NRXN3: variants seen among roughly 807,000 people sequenced by gnomAD.
NRXN3 encodes neurexin 3.
Under a neutral mutation model 137.6 loss-of-function variants are expected in NRXN3, and 32 were observed. The ratio of observed to expected loss-of-function variants is 0.23; its 90% CI spans 0.18 to 0.31. NRXN3 has a LOEUF of 0.31. Ranked by LOEUF, NRXN3 falls within the 10% of genes least tolerant of loss-of-function variation. The pLI, the probability that NRXN3 is intolerant of heterozygous loss-of-function variation, is 1.00. For synonymous variants in NRXN3, 798 were observed against 784.5 expected (o/e 1.02, Z -0.29); for missense variants, 1,574 against 2,062.5 (o/e 0.76, Z 4.59).
chr14:79,552,352 A>G (rs925651691), intron 16 of NRXN3, among the ~76,000 whole-genome samples: 1 of 152,188 alleles, frequency 6.6e-6, no homozygotes, highest in African/African-American at 2.4e-5. Flanking sequence ...TTGAAAGAGT[A>G]TAGGGTCCTC....
chr14:79,029,607 C>G lies in NRXN3; in HGVS notation c.3262+41466C>G, dbSNP rs187509601. Among the ~76,000 whole-genome samples the G allele has an allele frequency of 2.6e-5, 4 of 152,158 alleles. No individual in the cohort carries two copies. In the South Asian group the frequency reaches 8.3e-4, roughly 32 times the overall value. ...AATGACATTTTTTGACTGGTTAATT[C>G]TTTGAGGGGATTGTACTATGCATTA... On this transcript the variant is annotated intron_variant, in intron 15 of 20. Transcript: ENST00000335750.
At chr14:79,082,032 T>G (rs2047115588) in intron 15 of NRXN3, among the ~76,000 whole-genome samples, 1 of 151,372 alleles carries the variant, frequency 6.6e-6, no homozygotes, top group Non-Finnish European at 1.5e-5. Flanking sequence ...ACATATATGT[T>G]TCATACATAT....
rs544806018 is a variant in NRXN3 at position 78,539,005 on chromosome 14, A to C, written c.758-106115A>C. 2.0e-5 allele frequency among the ~76,000 whole-genome samples: 3 copies of C among 152,294 alleles called. No individual in the cohort carries two copies. In the South Asian group the frequency reaches 6.2e-4, roughly 32 times the overall value. ...GATAAGCTTTTTGATGTGCTGCTGG[A>C]TTCAGTTCGAAAGTATTTTATTGAG... On this transcript the variant is annotated intron_variant, in intron 4 of 20. Transcript: ENST00000335750.
At chr14:79,344,105 C>A (rs1038118562) in intron 15 of NRXN3, among the ~76,000 whole-genome samples, 1 of 152,272 alleles carries the variant, frequency 6.6e-6, no homozygotes, top group East Asian at 1.9e-4. Flanking sequence ...TTTGACACTT[C>A]TCTCTCAGGA....
intron 1 of NRXN3, among the ~76,000 whole-genome samples, chr14:78,196,283 T>G (rs1566947622): frequency 6.6e-6 from 1 of 152,356 alleles, no homozygotes; most frequent in East Asian, 1.9e-4. Flanking sequence ...GAGGGCAAAT[T>G]CTCAATCTTA....
At chr14:79,708,253 CA>C (rs1416347640) in intron 19 of NRXN3, among the ~76,000 whole-genome samples, 2 of 152,112 alleles carry the variant, frequency 1.3e-5, no homozygotes, top group African/African-American at 4.8e-5. Flanking sequence ...CTAGCACTTA[CA>C]TTGTACTAGA....
intron 16 of NRXN3, among the ~76,000 whole-genome samples, chr14:79,542,834 C>A (rs533129550): frequency 1.6e-4 from 24 of 151,896 alleles, no homozygotes; most frequent in African/African-American, 4.3e-4. Context: ...GGATAGCCAA[C>A]TAAACTATGC....
At chr14:78,330,726 A>G (rs1461529562) in intron 4 of NRXN3, among the ~76,000 whole-genome samples, 1 of 151,972 alleles carries the variant, frequency 6.6e-6, no homozygotes, top group African/African-American at 2.4e-5. Context: ...AGATTAGCCA[A>G]CCCCTTAATG....
At chr14:79,851,520 G>A (rs561483405) in intron 20 of NRXN3, among the ~76,000 whole-genome samples, 34 of 152,146 alleles carry the variant, frequency 2.2e-4, no homozygotes, top group Non-Finnish European at 3.2e-4. Context: ...TAAAAGGGGC[G>A]TCCCATAGCG....
At chr14:78,738,829 A>G (rs1223737139) in intron 8 of NRXN3, among the ~76,000 whole-genome samples, 1 of 152,216 alleles carries the variant, frequency 6.6e-6, no homozygotes, top group Non-Finnish European at 1.5e-5. Context: ...GATCAGGGAA[A>G]TAAGAAGGCA....
chr14:79,550,199 G>A (rs149326937), intron 16 of NRXN3, among the ~76,000 whole-genome samples: 1,547 of 152,096 alleles, frequency 0.01, 12 homozygotes, highest in Non-Finnish European at 0.016. Flanking sequence ...TTGATCTCTT[G>A]ACCTCATGAT....
At chr14:78,518,309 A>G (rs558903878) in intron 4 of NRXN3, among the ~76,000 whole-genome samples, 32 of 152,248 alleles carry the variant, frequency 2.1e-4, no homozygotes, top group African/African-American at 7.5e-4. Flanking sequence ...GGTAATTTAC[A>G]TGGAGTCTCA....
At chr14:78,648,500 T>C (rs1328260835) in intron 5 of NRXN3, among the ~76,000 whole-genome samples, 1 of 152,202 alleles carries the variant, frequency 6.6e-6, no homozygotes, top group Non-Finnish European at 1.5e-5. Context: ...ATTAATGACC[T>C]TATTGAGTAA....
intron 15 of NRXN3, among the ~76,000 whole-genome samples, chr14:79,094,979 A>AGAGTGTGTGTGTGT (rs553957969): frequency 7.1e-4 from 82 of 115,922 alleles, no homozygotes; most frequent in African/African-American, 2.0e-3. Flanking sequence ...AGAGAGAGAG[A>AGAGTGTGTGTGTGT]GTGTGTGTGT....
At chr14:78,913,274 CTTTTTT>C (rs1157942892) in intron 10 of NRXN3, among the ~76,000 whole-genome samples, 1 of 47,852 alleles carries the variant, frequency 2.1e-5, no homozygotes, top group Non-Finnish European at 3.5e-5. Flanking sequence ...TTCTTTCTTT[CTTTTTT>C]TTTTTTTTTT....
chr14:78,493,523 C>T (rs1434358519), intron 4 of NRXN3, among the ~76,000 whole-genome samples: 2 of 139,162 alleles, frequency 1.4e-5, no homozygotes, highest in African/African-American at 2.7e-5. Context: ...AACTCCATCT[C>T]AAATAAATAA....
At chr14:79,427,096 A>C (rs1305418857) in intron 15 of NRXN3, among the ~76,000 whole-genome samples, 1 of 152,158 alleles carries the variant, frequency 6.6e-6, no homozygotes, top group Non-Finnish European at 1.5e-5. Context: ...GAGCCATATT[A>C]GATAGAGGAA....
At chr14:79,457,751 A>C (rs910535624) in intron 15 of NRXN3, among the ~76,000 whole-genome samples, 3 of 152,204 alleles carry the variant, frequency 2.0e-5, no homozygotes, top group African/African-American at 7.2e-5. Context: ...GAAATAAGCA[A>C]CTGCTTTTTA....
intron 20 of NRXN3, among the ~76,000 whole-genome samples, chr14:79,850,172 G>T (rs1187159116): frequency 6.6e-6 from 1 of 152,176 alleles, no homozygotes; most frequent in Non-Finnish European, 1.5e-5. Context: ...TTAGGTATTT[G>T]TTATGCCAAC....
Sources: gnomAD v4.1 joint callset for allele counts (sites outside exome capture counted in the v4.1 genomes callset) on GRCh38, gnomAD v4.1.1 for gene constraint, MANE v1.5 for transcripts, NCBI Gene and HGNC (gene_info 2026-07-23, HGNC 2026-07-21) for gene names.